Variants in PAGE2B observed in about 807,000 individuals in gnomAD.
PAGE2B encodes putative G antigen family E member 3.
In PAGE2B, 5 loss-of-function variants were observed where a neutral mutation model predicts 7.6. The ratio of observed to expected loss-of-function variants is 0.66; its 90% CI spans 0.34 to 1.38. The LOEUF (loss-of-function observed/expected upper bound fraction) is 1.38, where lower values mean the gene tolerates loss of function less well. Ranked by LOEUF, PAGE2B falls within the 40% of genes most tolerant of loss-of-function variation. The pLI, the probability that PAGE2B is intolerant of heterozygous loss-of-function variation, is 0.04. For synonymous variants in PAGE2B, 29 were observed against 26.7 expected (o/e 1.09, Z -0.27); for missense variants, 70 against 78.4 (o/e 0.89, Z 0.41).
the PAGE2B span, among the ~76,000 whole-genome samples, chrX:55,059,993 G>A: frequency 1.2e-4 from 13 of 110,884 alleles, no homozygotes; most frequent in African/African-American, 3.6e-4. Context: ...GTGTGTGCCC[G>A]TCTCTGTGTG....
chrX:55,073,153 C>A (rs1332774225), upstream of PAGE2B, among the ~76,000 whole-genome samples: 2 of 111,732 alleles, frequency 1.8e-5, no homozygotes, highest in Non-Finnish European at 3.8e-5. Flanking sequence ...TCAGTGTCTG[C>A]CCGAACAACT....
upstream of PAGE2B, among the ~76,000 whole-genome samples, chrX:55,074,436 A>T (rs1201906059): frequency 2.7e-5 from 3 of 112,240 alleles, no homozygotes; most frequent in African/African-American, 9.7e-5. Context: ...GAAGAAAATT[A>T]AAAGAAGAGA....
the PAGE2B span, among the ~76,000 whole-genome samples, chrX:55,042,498 C>A: frequency 9.5e-6 from 1 of 105,647 alleles, no homozygotes; most frequent in Non-Finnish European, 1.9e-5. Context: ...ACTAAAAATA[C>A]AAAAAATTAG....
At chrX:55,074,398 T>C (rs1936480062), upstream of PAGE2B, among the ~76,000 whole-genome samples, 1 of 111,846 alleles carries the variant, frequency 8.9e-6, no homozygotes, top group Non-Finnish European at 1.9e-5. Flanking sequence ...AATAGTGTAG[T>C]AGTGGTACAG....
At chrX:55,076,431 T>C in intron 2 of PAGE2B, 138 bp from the exon 3 acceptor site, 1 of 583,282 alleles carries the variant, frequency 1.7e-6, no homozygotes, top group Non-Finnish European at 2.7e-6. Context: ...TATGTATGTA[T>C]ATATACATAT....
chrX:55,077,281 C>T (rs760596339), intron 3 of PAGE2B, 118 bp from the exon 4 acceptor site: 2 of 1,100,643 alleles, frequency 1.8e-6, no homozygotes, highest in African/African-American at 1.9e-5. Flanking sequence ...GCAGCAGATT[C>T]CTGAAATAAT....
chrX:55,050,230 A>C, the PAGE2B span, among the ~76,000 whole-genome samples: 1 of 111,435 alleles, frequency 9.0e-6, no homozygotes, highest in African/African-American at 3.3e-5. Context: ...ACTTCCAACT[A>C]TGTGGTCAAT....
chrX:55,076,808 T>G, intron 3 of PAGE2B, 131 bp downstream of exon 3: 1 of 612,074 alleles, frequency 1.6e-6, no homozygotes, highest in East Asian at 3.6e-5. Flanking sequence ...ACTGCTGCTG[T>G]GTGGAGGGGT....
chrX:55,065,883 G>A, the PAGE2B span, among the ~76,000 whole-genome samples: 1 of 111,513 alleles, frequency 9.0e-6, no homozygotes, highest in Non-Finnish European at 1.9e-5. Context: ...GTAACTCTTT[G>A]TAGTTTATCT....
upstream of PAGE2B, among the ~76,000 whole-genome samples, chrX:55,071,539 T>C (rs1158605993): frequency 9.0e-6 from 1 of 111,526 alleles, no homozygotes; most frequent in Non-Finnish European, 1.9e-5. Flanking sequence ...GGAGTTGCTC[T>C]TCTCGAGGAG....
upstream of PAGE2B, among the ~76,000 whole-genome samples, chrX:55,073,472 G>C (rs1177893090): frequency 9.0e-6 from 1 of 111,316 alleles, no homozygotes; most frequent in Non-Finnish European, 1.9e-5. Context: ...GGTCTCGCTG[G>C]GAGTTGCAGA....
chrX:55,051,665 C>G, the PAGE2B span, among the ~76,000 whole-genome samples: 2 of 112,026 alleles, frequency 1.8e-5, no homozygotes, highest in South Asian at 7.4e-4. Flanking sequence ...TCCATCAGGT[C>G]TTTTAAGGAC....
At chrX:55,035,035 A>G in the PAGE2B span, among the ~76,000 whole-genome samples, 193 of 109,798 alleles carry the variant, frequency 1.8e-3, 1 homozygote, top group Non-Finnish European at 3.8e-4. Context: ...CCTGCTTTAT[A>G]TTTGCTGGCA....
chrX:55,031,239 C>T, the PAGE2B span, among the ~76,000 whole-genome samples: 6 of 111,327 alleles, frequency 5.4e-5, no homozygotes, highest in African/African-American at 2.0e-4. Flanking sequence ...AGCTGGGATA[C>T]CTTGAGCAAA....
At chrX:55,047,738 G>A in the PAGE2B span, among the ~76,000 whole-genome samples, 409 of 111,929 alleles carry the variant, frequency 3.7e-3, no homozygotes, top group Non-Finnish European at 5.2e-3. Flanking sequence ...GTCTGTTCAT[G>A]TCCTTTGCCC....
chrX:55,049,045 C>T, the PAGE2B span, among the ~76,000 whole-genome samples: 1 of 106,592 alleles, frequency 9.4e-6, no homozygotes, highest in Non-Finnish European at 1.9e-5. Flanking sequence ...AAGGCCTTTG[C>T]TGCATCTATT....
the PAGE2B span, among the ~76,000 whole-genome samples, chrX:55,042,470 C>A: frequency 1.9e-5 from 2 of 107,235 alleles, no homozygotes; most frequent in African/African-American, 3.4e-5. Context: ...CTGGCTAAAG[C>A]GGTGAAACCC....
chrX:55,042,481 C>T, the PAGE2B span, among the ~76,000 whole-genome samples: 1 of 106,386 alleles, frequency 9.4e-6, no homozygotes, highest in African/African-American at 3.4e-5. Flanking sequence ...GGTGAAACCC[C>T]GTCTCTACTA....
chrX:55,045,953 C>G, the PAGE2B span, among the ~76,000 whole-genome samples: 1 of 111,246 alleles, frequency 9.0e-6, no homozygotes, highest in Non-Finnish European at 1.9e-5. Flanking sequence ...GAAGTCTGTC[C>G]TTGAAGGGCT....
Sources: allele counts gnomAD v4.1 joint callset (sites outside exome capture counted in the v4.1 genomes callset), GRCh38; gene constraint gnomAD v4.1.1; transcripts MANE v1.5; gene names NCBI Gene and HGNC (gene_info 2026-07-23, HGNC 2026-07-21).